Variants in TMEM201 observed in about 807,000 individuals in gnomAD.
TMEM201 encodes RP13-15M17.2.
A neutral mutation model predicts 63.4 loss-of-function variants in TMEM201; 26 were observed. That is an observed-to-expected ratio of 0.41 (90% CI 0.30 to 0.57). The LOEUF (loss-of-function observed/expected upper bound fraction) is 0.57, where lower values mean the gene tolerates loss of function less well. Ranked by LOEUF, TMEM201 falls within the 20% of genes least tolerant of loss-of-function variation. The probability of loss-of-function intolerance (pLI) is 0.29; values close to 1 mark genes in which losing one functional copy is unlikely to be tolerated. For synonymous variants in TMEM201, 417 were observed against 421.6 expected (o/e 0.99, Z 0.14); for missense variants, 794 against 917.7 (o/e 0.87, Z 1.74).
In TMEM201 at chr1:9,595,335, C is replaced by G. The variant is rs527861859; in HGVS notation, c.114-555C>G. 7.9e-5 allele frequency among the ~76,000 whole-genome samples: 12 copies of G among 152,346 alleles called. No individual in the cohort carries two copies. In the East Asian group the frequency reaches 2.1e-3, roughly 27 times the overall value. On this transcript the variant is annotated intron_variant, in intron 1 of 10. Transcript: ENST00000340381. ...CTGGGCAGCTGTCACTTGCTCCCTC[C>G]CCTCAGCCTCCTTGGCTCTCACATC...
Position 9,596,971 on chromosome 1 carries a change from G to A in TMEM201, c.347G>A (p.Ser116Asn), listed in dbSNP as rs774365235. ...TCGCAGCCGCAGCAGTGGGTGAGCA[G>A]CCAAGTCCTGCTGTGCAAGAGGTGC... The part of the protein sequence containing the change: ...DPSQPQQWVS[S>N]QVLLCKRCNH... Residue 116 changes from serine to asparagine, a missense_variant, in exon 3 of 11, where the codon AGC (serine) becomes AAC (asparagine). Coordinates refer to ENST00000340381, the MANE Select transcript of TMEM201 (RefSeq NM_001130924.3). 5 of 1,612,986 alleles carry A rather than the reference G, an allele frequency of 3.1e-6. No individual in the cohort carries two copies. Among genetic ancestry groups the A allele is most frequent in the Non-Finnish European group, 2.5e-6 (3 of 1,179,788 alleles).
Position 9,611,868 on chromosome 1 carries a change from G to C in TMEM201, c.1881G>C (p.Ser627=), listed in dbSNP as rs754599513. The C allele has an allele frequency of 1.3e-4, 194 of 1,549,580 alleles. No individual in the cohort carries two copies. The highest frequency in any genetic ancestry group is 1.7e-4 in the Non-Finnish European group (191 of 1,146,552). ...CVVDTTTRGC[S]EEAATWRGRF... is the part of the protein sequence containing the mutation. Reference sequence around the variant, plus strand: ...TGGACACCACCACCAGGGGCTGCTCGGAGGAGGCCGCCACCTGGAGAGGTC... The same window carrying C: ...TGGACACCACCACCAGGGGCTGCTCCGAGGAGGCCGCCACCTGGAGAGGTC... Residue 627 remains serine (S), a synonymous_variant, in exon 10 of 11, where the codon TCG becomes TCC. Coordinates refer to ENST00000340381, the MANE Select transcript of TMEM201 (RefSeq NM_001130924.3).
At chr1:9,599,329 T>C (rs1170140079) in intron 4 of TMEM201, among the ~76,000 whole-genome samples, 1 of 147,022 alleles carries the variant, frequency 6.8e-6, no homozygotes, top group Admixed American at 6.8e-5. Flanking sequence ...CTCACTGCAA[T>C]CTCTTCCTCC....
chr1:9,596,815 G>GCTGGGAGGGC, intron 2 of TMEM201, 44 bp from the exon 3 acceptor site: 1 of 1,546,124 alleles, frequency 6.5e-7, no homozygotes, highest in Non-Finnish European at 8.8e-7. Context: ...GCCTGAGCCA[G>GCTGGGAGGGC]CTGGGAGGGC....
intron 3 of TMEM201, among the ~76,000 whole-genome samples, chr1:9,597,561 G>A (rs1357138764): frequency 6.6e-6 from 1 of 152,210 alleles, no homozygotes; most frequent in African/African-American, 2.4e-5. Flanking sequence ...AAGGAGCTGG[G>A]CTGAGCTGGG....
At position 9,607,512 on chromosome 1, in the gene TMEM201, T is replaced by G. The variant is rs566260917; in HGVS notation, c.1161-45T>G. On this transcript the variant is annotated intron_variant, in intron 6 of 10. Coordinates refer to ENST00000340381, the MANE Select transcript of TMEM201 (RefSeq NM_001130924.3). The surrounding 1 kb of genome is among the most constrained non-coding windows in gnomAD (Gnocchi z 5.4). ...CCACTGCAAGGCTGCCTCCAGGACC[T>G]CCCGCTGACCCTCTTCTTGTCCCGT... 8 of 1,478,500 alleles carry G rather than the reference T, an allele frequency of 5.4e-6. No individual in the cohort carries two copies. In the South Asian group the frequency reaches 7.9e-5, roughly 15 times the overall value. The allele number at this position is 1,478,500 out of a possible 1,614,324, so 91.6% of individuals were successfully genotyped here.
intron 1 of TMEM201, among the ~76,000 whole-genome samples, chr1:9,589,493 A>C (rs981752000): frequency 1.3e-5 from 2 of 152,280 alleles, no homozygotes; most frequent in African/African-American, 4.8e-5. Context: ...ACGCTAGAGC[A>C]GCTGAGGGAC....
In TMEM201 at chr1:9,588,926, G is replaced by T; in HGVS notation, c.-5G>T. On this transcript the variant is annotated 5_prime_UTR_variant, in exon 1 of 11. Transcript: ENST00000340381. ...CCGGCCTGCCGTCCTTCCACGCGGA[G>T]AGCCATGGAGGGAGTGAGCGCGCTG... 1 of 1,268,344 alleles carries T rather than the reference G, an allele frequency of 7.9e-7. No individual in the cohort carries two copies. The highest frequency in any genetic ancestry group is 1.0e-6 in the Non-Finnish European group (1 of 987,066). 78.6% of individuals were successfully genotyped at this position (1,268,344 alleles called of 1,614,324 possible).
At position 9,603,614 on chromosome 1, in the gene TMEM201, A is replaced by G. The variant is rs1287212454; in HGVS notation, c.1160+1342A>G. 5.1e-6 allele frequency: 5 copies of G among 985,404 alleles called. No individual in the cohort carries two copies. The African/African-American group carries it at 5.2e-5, about 10-fold the overall frequency. 61.0% of individuals were successfully genotyped at this position (985,404 alleles called of 1,614,324 possible). A position where few individuals can be genotyped will look rare whatever the true frequency, so the allele number is the denominator to read the frequency against. ...CCCGGGGGAGGCAAGAGCAGATCACAGGTGCATGAGGGTTACACCCGTCAC... is the reference window on the plus strand; with the variant it reads ...CCCGGGGGAGGCAAGAGCAGATCACGGGTGCATGAGGGTTACACCCGTCAC... On this transcript the variant is annotated intron_variant, in intron 6 of 10. Transcript: ENST00000340381. This position sits in a 1 kb window ranked among gnomAD's most constrained non-coding sequence, Gnocchi z 4.5.
chr1:9,609,973 A>G lies in TMEM201; in HGVS notation c.1465+62A>G. 1.9e-5 allele frequency: 29 copies of G among 1,501,590 alleles called. No homozygotes were observed. The South Asian group carries it at 3.4e-4, about 17-fold the overall frequency. 93.0% of individuals were successfully genotyped at this position (1,501,590 alleles called of 1,614,324 possible). ...ACATGAAGCCCGGGCGTTCCAGAGC[A>G]TGGTGGTTTGTGTGAGCTTTGGGGT... On this transcript the variant is annotated intron_variant, in intron 8 of 10. Coordinates refer to ENST00000340381, the MANE Select transcript of TMEM201 (RefSeq NM_001130924.3).
chr1:9,592,619 A>G (rs994517329), intron 1 of TMEM201, among the ~76,000 whole-genome samples: 11 of 152,188 alleles, frequency 7.2e-5, no homozygotes, highest in African/African-American at 1.9e-4. Context: ...GGCATCCCGC[A>G]GGAGCTTTGT....
At position 9,602,248 on chromosome 1, in the gene TMEM201, GCCCACGGAGGTTCCGGC is replaced by G; in HGVS notation, c.1140_1156del (p.Arg381LysfsTer87). ...GCTGTGGCCACAAGGAAGGCAACGG[GCCCACGGAGGTTCCGGC>G]CCCGAAGGTCAGAGAAGCAGCCATG... On this transcript the variant is annotated frameshift_variant, in exon 6 of 11. Coordinates refer to ENST00000340381, the MANE Select transcript of TMEM201 (RefSeq NM_001130924.3). LOFTEE classifies it high-confidence loss of function. The G allele has an allele frequency of 1.2e-6, 2 of 1,611,924 alleles. No homozygotes were observed. Among genetic ancestry groups the G allele is most frequent in the Non-Finnish European group, 1.7e-6 (2 of 1,179,904 alleles).
At chr1:9,591,966 C>T (rs1165358706) in intron 1 of TMEM201, among the ~76,000 whole-genome samples, 2 of 152,224 alleles carry the variant, frequency 1.3e-5, no homozygotes, top group Non-Finnish European at 2.9e-5. Flanking sequence ...GGGAGGTCGT[C>T]GTTCTTGTCT....
chr1:9,610,688 G>A lies in TMEM201; in HGVS notation c.1648G>A (p.Ala550Thr), dbSNP rs1487109515. The change falls in exon 9 of 11, where the codon GCC becomes ACC. Residue 550 changes from alanine to threonine, a missense_variant. By Grantham distance (58) the Ala-to-Thr change is moderately conservative. Transcript: ENST00000340381. The surrounding 1 kb of genome is among the most constrained non-coding windows in gnomAD (Gnocchi z 4.9). ...GCTGTTCCCGTCACCCCCTGGAGAG[G>A]CCCCCACCACGCCCAGCAGCTCCGA... is the stretch of plus-strand genomic sequence containing the variant. The part of the protein sequence containing the change: ...LLLFPSPPGE[A>T]PTTPSSSDEH... The A allele has an allele frequency of 6.4e-7, 1 of 1,550,460 alleles. No homozygotes were observed. Among genetic ancestry groups the A allele is most frequent in the African/African-American group, 1.4e-5 (1 of 73,128 alleles).
intron 9 of TMEM201, among the ~76,000 whole-genome samples, chr1:9,611,537 G>T (rs1644324303): frequency 6.6e-6 from 1 of 152,202 alleles, no homozygotes; most frequent in Non-Finnish European, 1.5e-5. Context: ...CAATGTCAGA[G>T]ATCTGGTCAC....
At chr1:9,599,504 C>T (rs1644094328) in intron 4 of TMEM201, among the ~76,000 whole-genome samples, 2 of 151,646 alleles carry the variant, frequency 1.3e-5, no homozygotes, top group South Asian at 2.1e-4. Context: ...ATCCACCCGC[C>T]TTGGCCTCCC....
chr1:9,609,870 C>T lies in TMEM201; in HGVS notation c.1424C>T (p.Pro475Leu). The T allele has an allele frequency of 6.4e-7, 1 of 1,551,496 alleles. No individual in the cohort carries two copies. The highest frequency in any genetic ancestry group is 8.7e-7 in the Non-Finnish European group (1 of 1,146,960). ...GGCTATCTGTTCAGCGGTAGCCGCC[C>T]ACCATCTCAGGTGTCTCGATCTGGG... ...DSGYLFSGSRPPSQVSRSGEF... is the reference protein window; with the variant it reads ...DSGYLFSGSRLPSQVSRSGEF... Residue 475 changes from proline (P) to leucine (L), a missense_variant, in exon 8 of 11, where the codon CCA (proline) becomes CTA (leucine). Transcript: ENST00000340381.
chr1:9,593,983 G>T (rs1195605919), intron 1 of TMEM201, among the ~76,000 whole-genome samples: 1 of 152,262 alleles, frequency 6.6e-6, no homozygotes, highest in Non-Finnish European at 1.5e-5. Context: ...AGCAGAGCAG[G>T]TCTCCACATG....
In TMEM201 at chr1:9,613,311, A is replaced by G. The variant is rs1422213264; in HGVS notation, c.*228A>G. The G allele has an allele frequency of 1.7e-5, 10 of 577,972 alleles. No homozygotes were observed. Among genetic ancestry groups the G allele is most frequent in the Non-Finnish European group, 2.8e-5 (9 of 323,556 alleles). The allele number at this position is 577,972 out of a possible 1,614,324, so 35.8% of individuals were successfully genotyped here. On this transcript the variant is annotated 3_prime_UTR_variant, in exon 11 of 11. Transcript: ENST00000340381. ...CTCTGCCCACTCACCTCCTTGGCTG[A>G]CATCGGTTGTGTTTGGTGCTGACAC...
Sources: gnomAD v4.1 joint callset for allele counts (sites outside exome capture counted in the v4.1 genomes callset) on GRCh38, gnomAD v4.1.1 for gene constraint, Gnocchi (gnomAD v3.1) non-coding constraint, MANE v1.5 for transcripts, NCBI Gene and HGNC (gene_info 2026-07-23, HGNC 2026-07-21) for gene names.